LRMDA: variants seen among roughly 807,000 people sequenced by gnomAD.
The protein encoded by LRMDA is leucine rich melanocyte differentiation associated, also known as leucine-rich melanocyte differentiation-associated protein.
Under a neutral mutation model 29.8 loss-of-function variants are expected in LRMDA, and 18 were observed. The observed-to-expected ratio is 0.60, with a 90% CI of 0.42 to 0.90. LRMDA has a LOEUF of 0.90. LRMDA is among the 40% of genes least tolerant of loss of function. The pLI, the probability that LRMDA is intolerant of heterozygous loss-of-function variation, is 0.00. For synonymous variants in LRMDA, 125 were observed against 109.4 expected (o/e 1.14, Z -0.89); for missense variants, 273 against 273.9 (o/e 1.00, Z 0.02).
intron 6 of LRMDA, among the ~76,000 whole-genome samples, chr10:76,342,021 A>G (rs999559028): frequency 6.6e-6 from 1 of 152,230 alleles, no homozygotes; most frequent in African/African-American, 2.4e-5. Context: ...CTGGAAGAGC[A>G]TGTGGGACCA....
chr10:75,821,791 C>G (rs923778543), intron 2 of LRMDA, among the ~76,000 whole-genome samples: 12 of 150,564 alleles, frequency 8.0e-5, no homozygotes, highest in African/African-American at 2.2e-4. Flanking sequence ...AACAAACAAA[C>G]AAACAAAAAA....
intron 6 of LRMDA, among the ~76,000 whole-genome samples, chr10:76,435,065 C>T (rs1842231790): frequency 6.6e-6 from 1 of 152,116 alleles, no homozygotes; most frequent in Non-Finnish European, 1.5e-5. Context: ...CTAGACCATT[C>T]TCTGGTAATC....
At chr10:76,232,603 C>T (rs980676163) in intron 5 of LRMDA, among the ~76,000 whole-genome samples, 2 of 152,214 alleles carry the variant, frequency 1.3e-5, no homozygotes, top group Admixed American at 1.3e-4. Flanking sequence ...CCTACCCTGG[C>T]CTTGCTCGAC....
chr10:75,910,484 AGG>A (rs1302268207), intron 2 of LRMDA, among the ~76,000 whole-genome samples: 2 of 152,226 alleles, frequency 1.3e-5, no homozygotes, highest in African/African-American at 4.8e-5. Flanking sequence ...AACATTTTGG[AGG>A]GTTTAAATGC....
chr10:76,248,414 ATCT>A (rs1391738617), intron 5 of LRMDA, among the ~76,000 whole-genome samples: 1 of 152,210 alleles, frequency 6.6e-6, no homozygotes, highest in African/African-American at 2.4e-5. Flanking sequence ...CCCTAGCCTC[ATCT>A]TCTTCAAGAG....
At chr10:75,719,853 A>G (rs1296258911) in intron 2 of LRMDA, among the ~76,000 whole-genome samples, 1 of 152,174 alleles carries the variant, frequency 6.6e-6, no homozygotes, top group Non-Finnish European at 1.5e-5. Flanking sequence ...CAATTACTTT[A>G]TAAGCTGGAT....
chr10:75,568,286 A>T (rs1268030932), intron 2 of LRMDA, among the ~76,000 whole-genome samples: 1 of 152,184 alleles, frequency 6.6e-6, no homozygotes, highest in African/African-American at 2.4e-5. Flanking sequence ...ATATTGTTGA[A>T]TGAATGTTGT....
intron 5 of LRMDA, among the ~76,000 whole-genome samples, chr10:76,199,303 T>C (rs927295175): frequency 6.6e-6 from 1 of 152,182 alleles, no homozygotes; most frequent in African/African-American, 2.4e-5. Context: ...GTTTCTTGAG[T>C]GATACCATGG....
intron 2 of LRMDA, among the ~76,000 whole-genome samples, chr10:75,988,495 G>C (rs1330847915): frequency 1.3e-5 from 2 of 151,658 alleles, no homozygotes; most frequent in African/African-American, 4.9e-5. Context: ...TTAATTTTGA[G>C]CATTTAGAAA....
intron 2 of LRMDA, among the ~76,000 whole-genome samples, chr10:75,727,082 G>A (rs1057089429): frequency 1.3e-5 from 2 of 152,112 alleles, no homozygotes; most frequent in African/African-American, 2.4e-5. Context: ...GGCCTGTTTC[G>A]CTAGCTTTAG....
At chr10:76,139,945 C>A (rs1417417016) in intron 5 of LRMDA, among the ~76,000 whole-genome samples, 2 of 152,022 alleles carry the variant, frequency 1.3e-5, no homozygotes, top group Non-Finnish European at 2.9e-5. Context: ...GATGGAGGTG[C>A]CTTCCAGTTC....
At chr10:75,748,597 G>C (rs910354911) in intron 2 of LRMDA, among the ~76,000 whole-genome samples, 7 of 152,134 alleles carry the variant, frequency 4.6e-5, no homozygotes, top group Non-Finnish European at 1.0e-4. Context: ...GATGGCATGA[G>C]ATGCTGACCA....
intron 6 of LRMDA, among the ~76,000 whole-genome samples, chr10:76,395,143 A>G (rs776395211): frequency 2.0e-5 from 3 of 152,342 alleles, no homozygotes; most frequent in African/African-American, 4.8e-5. Context: ...CCACAGAAGA[A>G]TAACTACAGG....
At chr10:75,897,389 G>A (rs943802609) in intron 2 of LRMDA, among the ~76,000 whole-genome samples, 1 of 152,124 alleles carries the variant, frequency 6.6e-6, no homozygotes, top group African/African-American at 2.4e-5. Context: ...GCAGAAGTGG[G>A]GAACACAAGG....
chr10:75,783,113 AG>A (rs1843414096), intron 2 of LRMDA: 1 of 1,470,158 alleles, frequency 6.8e-7, no homozygotes, highest in Non-Finnish European at 9.5e-7. Context: ...CTGTCAGGGT[AG>A]GACTTGATGA....
chr10:75,455,872 T>C (rs888255088), intron 2 of LRMDA, among the ~76,000 whole-genome samples: 3 of 152,178 alleles, frequency 2.0e-5, no homozygotes, highest in African/African-American at 7.2e-5. Flanking sequence ...CTTCGGAGCC[T>C]GTACAACATC....
At chr10:76,427,957 G>C (rs560147849) in intron 6 of LRMDA, among the ~76,000 whole-genome samples, 4 of 152,174 alleles carry the variant, frequency 2.6e-5, no homozygotes, top group South Asian at 4.1e-4. Flanking sequence ...ATGAAGCCCA[G>C]TTGATCATGG....
At chr10:75,599,582 G>A (rs1369949520) in intron 2 of LRMDA, among the ~76,000 whole-genome samples, 1 of 152,172 alleles carries the variant, frequency 6.6e-6, no homozygotes, top group Non-Finnish European at 1.5e-5. Context: ...GAGACGGCGG[G>A]TAGTAGAAGG....
chr10:75,905,379 T>C (rs185796540), intron 2 of LRMDA, among the ~76,000 whole-genome samples: 2 of 152,194 alleles, frequency 1.3e-5, no homozygotes, highest in East Asian at 1.9e-4. Flanking sequence ...AGAATGACTA[T>C]AGTTTACAGT....
Sources: gnomAD v4.1 joint callset for allele counts (sites outside exome capture counted in the v4.1 genomes callset) on GRCh38, gnomAD v4.1.1 for gene constraint, MANE v1.5 for transcripts, NCBI Gene and HGNC (gene_info 2026-07-23, HGNC 2026-07-21) for gene names.